SRPX2: variants seen among roughly 807,000 people sequenced by gnomAD.
SRPX2 encodes sushi repeat-containing protein SRPX2.
In SRPX2, 26 loss-of-function variants were observed where a neutral mutation model predicts 45.3. The observed-to-expected ratio is 0.57, with a 90% confidence interval of 0.42 to 0.80. SRPX2 has a LOEUF of 0.80. Among genes scored for constraint, SRPX2 ranks in the 30% least tolerant of loss-of-function variants. SRPX2 has a pLI of 0.00. For synonymous variants in SRPX2, 125 were observed against 143.7 expected (o/e 0.87, Z 0.93); for missense variants, 355 against 399.8 (o/e 0.89, Z 0.95).
In SRPX2 at chrX:100,662,180, C is replaced by G; in HGVS notation, c.168C>G (p.Pro56=). The G allele has an allele frequency of 8.3e-7, 1 of 1,210,893 alleles. No individual in the cohort carries two copies. Among genetic ancestry groups the G allele is most frequent in the African/African-American group, 1.7e-5 (1 of 57,644 alleles). Residue 56 remains proline (P), a synonymous_variant, in exon 4 of 11, where the codon CCC becomes CCG. Coordinates refer to ENST00000373004, the MANE Select transcript of SRPX2 (RefSeq NM_014467.3). ...GCCTTTCTTCTATTGCTACAGTCCC[C>G]CGATGGTGTTATACATTAAATATCC... ...PQAPALDYRV[P]RWCYTLNIQD...
chrX:100,656,295 C>T (rs755925711), intron 3 of SRPX2, among the ~76,000 whole-genome samples: 4 of 107,785 alleles, frequency 3.7e-5, no homozygotes, highest in Non-Finnish European at 5.8e-5. Context: ...GTATCCATCA[C>T]CTTCAGTATT....
intron 3 of SRPX2, among the ~76,000 whole-genome samples, chrX:100,658,891 C>T (rs1316321892): frequency 8.9e-6 from 1 of 111,963 alleles, no homozygotes; most frequent in African/African-American, 3.2e-5. Context: ...TTTCTTTTAA[C>T]CACATCCTCG....
chrX:100,667,251 C>T, intron 8 of SRPX2, 23 bp from the exon 9 acceptor site: 2 of 1,211,834 alleles, frequency 1.7e-6, no homozygotes, highest in Non-Finnish European at 2.2e-6. Context: ...CGTACTCTGA[C>T]TGGTCACCTG....
At chrX:100,665,437 A>G in intron 6 of SRPX2, 68 bp downstream of exon 6, 1 of 1,206,215 alleles carries the variant, frequency 8.3e-7, no homozygotes, top group South Asian at 1.8e-5. Context: ...GGCTGGTCAC[A>G]TTGAAACTGC....
chrX:100,654,622 C>T (rs1234476567), intron 3 of SRPX2, among the ~76,000 whole-genome samples: 2 of 111,128 alleles, frequency 1.8e-5, no homozygotes, highest in East Asian at 2.8e-4. Flanking sequence ...CCCTATGGAA[C>T]GGTTTATTAT....
Position 100,671,391 on chromosome X carries a change from G to A in SRPX2, c.*404G>A, listed in dbSNP as rs2083224328. 5.3e-6 allele frequency: 1 copy of A among 190,455 alleles called. No homozygotes were observed. Among genetic ancestry groups the A allele is most frequent in the Non-Finnish European group, 9.7e-6 (1 of 102,923 alleles). The allele number at this position is 190,455 out of a possible 1,213,427, so 15.7% of individuals were successfully genotyped here. ...CCAGCTTACACTTTAAGCAAGTGTA[G>A]CTGGATTTTCCTTACAGGATGAGGG... On this transcript the variant is annotated 3_prime_UTR_variant, in exon 11 of 11. Coordinates refer to ENST00000373004, the MANE Select transcript of SRPX2 (RefSeq NM_014467.3).
In SRPX2 at chrX:100,662,325, T is replaced by C. The variant is rs2083191141; in HGVS notation, c.313T>C (p.Cys105Arg). ...ATTGATTGGAAGGAGGTCGGTGCAA[T>C]GCCTGCCAAGCCGTCGTTGGTCTGG... ...FRLIGRRSVQ[C>R]LPSRRWSGTA... The change falls in exon 4 of 11, where the codon TGC becomes CGC. Residue 105 changes from cysteine (C) to arginine (R), a missense_variant. Cys to Arg is a radical substitution (Grantham distance 180). Transcript: ENST00000373004. 1 of 1,211,801 alleles carries C rather than the reference T, an allele frequency of 8.3e-7. No individual in the cohort carries two copies. The highest frequency in any genetic ancestry group is 1.1e-6 in the Non-Finnish European group (1 of 895,629).
Position 100,674,185 on chromosome X carries a change from G to A in SRPX2, c.*3198G>A, listed in dbSNP as rs2083243406. 1 of 112,001 alleles carries A rather than the reference G, an allele frequency of 8.9e-6. No homozygotes were observed. Among genetic ancestry groups the A allele is most frequent in the African/African-American group, 3.2e-5 (1 of 30,805 alleles). 9.2% of individuals were successfully genotyped at this position (112,001 alleles called of 1,213,427 possible). A position where few individuals can be genotyped will look rare whatever the true frequency, so the allele number is the denominator to read the frequency against. ...CATCTCTCTCCTTCCTCCAGTATAG[G>A]AGGGTCTGCAAAGCTAAAGGAAGAG... is the stretch of plus-strand genomic sequence containing the variant. On this transcript the variant is annotated 3_prime_UTR_variant, in exon 11 of 11. Coordinates refer to ENST00000373004, the MANE Select transcript of SRPX2 (RefSeq NM_014467.3).
At chrX:100,669,097 G>A in intron 9 of SRPX2, 151 bp from the exon 10 acceptor site, 1 of 725,359 alleles carries the variant, frequency 1.4e-6, no homozygotes, top group Non-Finnish European at 2.1e-6. Context: ...GGAACAGGTT[G>A]TTGTAGACCC....
intron 9 of SRPX2, among the ~76,000 whole-genome samples, chrX:100,668,343 G>GAAAAA (rs5903168): frequency 1.4e-5 from 1 of 73,070 alleles, no homozygotes; most frequent in African/African-American, 5.2e-5. Flanking sequence ...AAAAAAAAAA[G>GAAAAA]AAAAAAAAAA....
At chrX:100,652,411 G>A (rs1290009020) in intron 3 of SRPX2, among the ~76,000 whole-genome samples, 3 of 112,166 alleles carry the variant, frequency 2.7e-5, no homozygotes, top group South Asian at 3.7e-4. Context: ...CCCTACAGGC[G>A]GCGGAAGGAT....
chrX:100,649,241 A>ACCGG (rs1254054850), intron 2 of SRPX2: 1 of 111,350 alleles, frequency 9.0e-6, no homozygotes, highest in East Asian at 2.8e-4. Flanking sequence ...TGGCTCTGTA[A>ACCGG]CCGGAGCAGG....
At chrX:100,652,106 A>G (rs904290217) in intron 3 of SRPX2, among the ~76,000 whole-genome samples, 3 of 112,340 alleles carry the variant, frequency 2.7e-5, no homozygotes, top group Non-Finnish European at 5.6e-5. Flanking sequence ...TAACCTGATT[A>G]TTCTATGCAG....
intron 1 of SRPX2, among the ~76,000 whole-genome samples, chrX:100,644,942 G>C (rs2083131039): frequency 9.0e-6 from 1 of 111,351 alleles, no homozygotes; most frequent in Admixed American, 9.5e-5. Flanking sequence ...TGCTCCTTTT[G>C]TTGCCTCTTT....
Position 100,662,327 on chromosome X carries a change from C to T in SRPX2, c.315C>T (p.Cys105=). 1 of 1,211,653 alleles carries T rather than the reference C, an allele frequency of 8.3e-7. No homozygotes were observed. The highest frequency in any genetic ancestry group is 1.8e-5 in the South Asian group (1 of 56,986). ...TGATTGGAAGGAGGTCGGTGCAATGCCTGCCAAGCCGTCGTTGGTCTGGAA... is the reference window on the plus strand; with the variant it reads ...TGATTGGAAGGAGGTCGGTGCAATGTCTGCCAAGCCGTCGTTGGTCTGGAA... ...FRLIGRRSVQ[C]LPSRRWSGTA... is the part of the protein sequence containing the mutation. Residue 105 remains cysteine (C), a synonymous_variant, in exon 4 of 11, where the codon TGC becomes TGT. Coordinates refer to ENST00000373004, the MANE Select transcript of SRPX2 (RefSeq NM_014467.3).
rs373073395 is a variant in SRPX2, at chrX:100,661,599, G to A, written c.164-577G>A. ...ATCCTGGCTAACACAGTGAAATCTC[G>A]TCTCTACTAAAATACAAAAACTTAG... On this transcript the variant is annotated intron_variant, in intron 3 of 10. Transcript: ENST00000373004. 2.7e-5 allele frequency among the ~76,000 whole-genome samples: 3 copies of A among 111,183 alleles called. No homozygotes were observed. In the East Asian group the frequency reaches 8.4e-4, roughly 31 times the overall value.
At chrX:100,654,479 A>G (rs1042215710) in intron 3 of SRPX2, among the ~76,000 whole-genome samples, 5 of 111,849 alleles carry the variant, frequency 4.5e-5, no homozygotes, top group Non-Finnish European at 7.5e-5. Context: ...CTCAAAACGA[A>G]TGCTGGGAAC....
chrX:100,644,552 C>T (rs1214370245), intron 1 of SRPX2, 37 bp downstream of exon 1: 1 of 111,505 alleles, frequency 9.0e-6, no homozygotes, highest in East Asian at 2.8e-4. Context: ...ACTCCACTAC[C>T]CCAATTCACA....
chrX:100,670,476 G>A (rs1402246705), intron 10 of SRPX2, among the ~76,000 whole-genome samples: 2 of 111,710 alleles, frequency 1.8e-5, no homozygotes. Flanking sequence ...GTGGCCCCTG[G>A]AGTCACCCTG....
Sources: allele counts gnomAD v4.1 joint callset (sites outside exome capture counted in the v4.1 genomes callset), GRCh38; gene constraint gnomAD v4.1.1; transcripts MANE v1.5; gene names NCBI Gene and HGNC (gene_info 2026-07-23, HGNC 2026-07-21).